The following ABLIM1 variants were observed in gnomAD, a reference collection of about 807,000 sequenced individuals.
ABLIM1 encodes the protein actin binding LIM protein 1.
Under a neutral mutation model 107.0 loss-of-function variants are expected in ABLIM1, and 40 were observed. The ratio of observed to expected loss-of-function variants is 0.37; its 90% CI spans 0.29 to 0.49. The LOEUF (loss-of-function observed/expected upper bound fraction) is 0.49, where lower values mean the gene tolerates loss of function less well. ABLIM1 is among the 20% of genes least tolerant of loss of function. The probability of loss-of-function intolerance (pLI) is 0.97; values close to 1 mark genes in which losing one functional copy is unlikely to be tolerated. For missense variants in ABLIM1, 857 were observed against 1,008.5 expected (o/e 0.85, Z 2.04); for synonymous variants, 357 against 357.3 (o/e 1.00, Z 0.01).
chr10:114,652,575 C>G (rs2079301853), intron 1 of ABLIM1, among the ~76,000 whole-genome samples: 1 of 152,142 alleles, frequency 6.6e-6, no homozygotes, highest in Non-Finnish European at 1.5e-5. Context: ...GGGATATGAA[C>G]TGCTTTTCCA....
intron 8 of ABLIM1, among the ~76,000 whole-genome samples, chr10:114,482,290 G>A (rs2057490014): frequency 6.6e-6 from 1 of 152,072 alleles, no homozygotes; most frequent in Non-Finnish European, 1.5e-5. Flanking sequence ...CTGTAATTCA[G>A]GCAAAAGGAA....
rs952489841 is a variant in ABLIM1, at chr10:114,619,517, G to A, written c.245-17556C>T. On this transcript the variant is annotated intron_variant, in intron 1 of 22. Coordinates refer to ENST00000533213, the MANE Select transcript of ABLIM1 (RefSeq NM_002313.7). The surrounding 1 kb of genome is among the most constrained non-coding windows in gnomAD (Gnocchi z 4.1). ...TGGCTGAAATGATATTTTTTTTCTG[G>A]AAAAGCTCTTACACATCAAAAATGA... Among the ~76,000 whole-genome samples the A allele has an allele frequency of 6.6e-6, 1 of 151,944 alleles. No homozygotes were observed. Among genetic ancestry groups the A allele is most frequent in the Non-Finnish European group, 1.5e-5 (1 of 67,958 alleles).
At chr10:114,594,533 T>C (rs916655088) in intron 2 of ABLIM1, among the ~76,000 whole-genome samples, 1 of 152,206 alleles carries the variant, frequency 6.6e-6, no homozygotes, top group Non-Finnish European at 1.5e-5. Context: ...GTGGATCACC[T>C]GAGGTCAGGA....
At chr10:114,529,720 G>A (rs781334636) in intron 6 of ABLIM1, among the ~76,000 whole-genome samples, 14 of 152,098 alleles carry the variant, frequency 9.2e-5, no homozygotes, top group Admixed American at 2.0e-4. Flanking sequence ...GGGAAAGAAC[G>A]TGAAGAGGAA....
At chr10:114,481,660 C>T (rs2057394231) in intron 8 of ABLIM1, among the ~76,000 whole-genome samples, 1 of 152,206 alleles carries the variant, frequency 6.6e-6, no homozygotes, top group African/African-American at 2.4e-5. Context: ...TGTGCGCACA[C>T]ACCACTTCTC....
the ABLIM1 span, among the ~76,000 whole-genome samples, chr10:114,776,477 G>C: frequency 1.3e-5 from 2 of 152,092 alleles, no homozygotes; most frequent in Admixed American, 6.5e-5. Context: ...GCCGGGTGTG[G>C]TGGCACGTGC....
intron 1 of ABLIM1, among the ~76,000 whole-genome samples, chr10:114,681,193 T>C (rs1404144715): frequency 1.3e-5 from 2 of 152,216 alleles, no homozygotes; most frequent in Non-Finnish European, 1.5e-5. Context: ...ATATATTTTT[T>C]ATTTTAATTT....
chr10:114,600,894 G>C (rs1009128407), intron 2 of ABLIM1, among the ~76,000 whole-genome samples: 3 of 152,142 alleles, frequency 2.0e-5, no homozygotes, highest in African/African-American at 7.2e-5. Flanking sequence ...TGAAATAACA[G>C]GTTGGCATAT....
At chr10:114,799,449 G>A in the ABLIM1 span, among the ~76,000 whole-genome samples, 5 of 152,066 alleles carry the variant, frequency 3.3e-5, no homozygotes, top group African/African-American at 1.2e-4. Flanking sequence ...ATATCTAATA[G>A]GCATCTGACA....
In ABLIM1 at chr10:114,453,392, A is replaced by G. The variant is rs778251197; in HGVS notation, c.1533T>C (p.His511=). 6.2e-7 allele frequency: 1 copy of G among 1,614,092 alleles called. No individual in the cohort carries two copies. Among genetic ancestry groups the G allele is most frequent in the East Asian group, 2.2e-5 (1 of 44,868 alleles). Residue 511 remains histidine, a synonymous_variant, in exon 13 of 23, where the codon CAT becomes CAC. Coordinates refer to ENST00000533213, the MANE Select transcript of ABLIM1 (RefSeq NM_002313.7). The stretch of plus-strand genomic sequence containing the variant: ...GTCAGCTCCTACCTGGAACATGGAA[A>G]TGTTTAGGGGCCTGAGCGTAAGTTG... ...LTPTYAQAPK[H]FHVPDQGINI...
chr10:114,676,500 CA>C (rs59493638), intron 1 of ABLIM1, among the ~76,000 whole-genome samples: 77 of 150,100 alleles, frequency 5.1e-4, no homozygotes, highest in African/African-American at 1.7e-3. Flanking sequence ...CTCAAAAAAA[CA>C]AAAAAAAAGA....
At position 114,517,981 on chromosome 10, in the gene ABLIM1, G is replaced by C. The variant is rs894094995; in HGVS notation, c.895-26103C>G. Among the ~76,000 whole-genome samples, 23 of 149,728 alleles carry C rather than the reference G, an allele frequency of 1.5e-4. 1 individual carries two copies. The highest frequency in any genetic ancestry group is 4.9e-4 in the African/African-American group (20 of 40,816). On this transcript the variant is annotated intron_variant, in intron 6 of 22. Coordinates refer to ENST00000533213, the MANE Select transcript of ABLIM1 (RefSeq NM_002313.7). ...ATTTACACACATACTTTTTTTTTTT[G>C]GTATTTGTCATGTTTTCTTAGTGTA...
At chr10:114,446,964 CTTTCTA>C (rs1404046968) in intron 15 of ABLIM1, among the ~76,000 whole-genome samples, 1 of 152,200 alleles carries the variant, frequency 6.6e-6, no homozygotes, top group African/African-American at 2.4e-5. Context: ...TCCTTAAACT[CTTTCTA>C]TAAGTATCAA....
rs148608128 is a variant in ABLIM1 at position 114,522,643 on chromosome 10, T to C, written c.894+22362A>G. ...GTATTTTTGCTTCATCTAGTGTTTA[T>C]GAGCAACAAATGGCCTCAGTGTGAA... is the stretch of plus-strand genomic sequence containing the variant. On this transcript the variant is annotated intron_variant, in intron 6 of 22. Coordinates refer to ENST00000533213, the MANE Select transcript of ABLIM1 (RefSeq NM_002313.7). 4.2e-3 allele frequency among the ~76,000 whole-genome samples: 641 copies of C among 152,356 alleles called. 4 individuals are homozygous for C. Among genetic ancestry groups the C allele is most frequent in the African/African-American group, 0.015 (610 of 41,576 alleles).
chr10:114,573,983 T>TA (rs2072088569), intron 3 of ABLIM1, among the ~76,000 whole-genome samples: 2 of 152,160 alleles, frequency 1.3e-5, no homozygotes, highest in Admixed American at 1.3e-4. Flanking sequence ...AATTATGATT[T>TA]AAAAAAATGA....
At chr10:114,605,020 C>G (rs188241377) in intron 1 of ABLIM1, among the ~76,000 whole-genome samples, 263 of 152,328 alleles carry the variant, frequency 1.7e-3, no homozygotes, top group African/African-American at 6.1e-3. Flanking sequence ...GTCCCCCATG[C>G]CCAGAGATGA....
At chr10:114,489,029 T>G (rs558021102) in intron 7 of ABLIM1, among the ~76,000 whole-genome samples, 2 of 151,808 alleles carry the variant, frequency 1.3e-5, no homozygotes, top group South Asian at 2.1e-4. Flanking sequence ...CATTTTTTTT[T>G]CTTTTGAGAC....
Position 114,574,090 on chromosome 10 carries a change from T to C in ABLIM1, c.563+1326A>G, listed in dbSNP as rs1410329813. On this transcript the variant is annotated intron_variant, in intron 3 of 22. Coordinates refer to ENST00000533213, the MANE Select transcript of ABLIM1 (RefSeq NM_002313.7). ...TTATGATTTATCAGTATTATCTTGT[T>C]AATTAATTACACAATATTGAATCTT... is the stretch of plus-strand genomic sequence containing the variant. Among the ~76,000 whole-genome samples the C allele has an allele frequency of 2.0e-5, 3 of 152,226 alleles. 1 individual carries two copies. In the South Asian group the frequency reaches 6.2e-4, roughly 32 times the overall value.
intron 1 of ABLIM1, among the ~76,000 whole-genome samples, chr10:114,729,266 T>A (rs1043194948): frequency 6.6e-6 from 1 of 152,086 alleles, no homozygotes; most frequent in African/African-American, 2.4e-5. Flanking sequence ...GAGGCTTAAA[T>A]GCATGGATAC....
Sources: allele counts gnomAD v4.1 joint callset (sites outside exome capture counted in the v4.1 genomes callset), GRCh38; gene constraint gnomAD v4.1.1; non-coding constraint Gnocchi (gnomAD v3.1); transcripts MANE v1.5; gene names NCBI Gene and HGNC (gene_info 2026-07-23, HGNC 2026-07-21).